DAAM1: variants seen among roughly 807,000 people sequenced by gnomAD.
The protein encoded by DAAM1 is disheveled-associated activator of morphogenesis 1.
Under a neutral mutation model 130.0 loss-of-function variants are expected in DAAM1, and 52 were observed. The observed-to-expected ratio is 0.40, with a 90% CI of 0.32 to 0.50. DAAM1 has a LOEUF of 0.50. Among genes scored for constraint, DAAM1 ranks in the 20% least tolerant of loss-of-function variants. The pLI is 0.61. For synonymous variants in DAAM1, 452 were observed against 444.5 expected, an observed-to-expected ratio of 1.02 and a Z score of -0.21; for missense variants, 1,134 against 1,303.8, an observed-to-expected ratio of 0.87 and a Z score of 2.01.
chr14:59,254,854 T>G (rs721610), intron 1 of DAAM1, among the ~76,000 whole-genome samples: 16,815 of 152,244 alleles, frequency 0.11, 1,532 homozygotes, highest in African/African-American at 0.26. Flanking sequence ...CTTTGCTGCT[T>G]ACATGCAGAG....
intron 2 of DAAM1, among the ~76,000 whole-genome samples, chr14:59,288,899 T>C (rs1883588438): frequency 6.7e-6 from 1 of 149,042 alleles, no homozygotes; most frequent in Non-Finnish European, 1.5e-5. Context: ...GTTGTTGTTT[T>C]TGTTTGTTTG....
intron 11 of DAAM1, 46 bp downstream of exon 11, chr14:59,326,694 T>G: frequency 6.3e-7 from 1 of 1,597,058 alleles, no homozygotes; most frequent in Non-Finnish European, 8.5e-7. Flanking sequence ...GGTGACAATG[T>G]AAGATATTTA....
At chr14:59,268,462 T>C (rs1273167148) in intron 2 of DAAM1, among the ~76,000 whole-genome samples, 1 of 152,206 alleles carries the variant, frequency 6.6e-6, no homozygotes, top group Admixed American at 6.5e-5. Context: ...CCACCAGCAA[T>C]GTATGAGGGT....
At chr14:59,254,456 G>A (rs760505592) in intron 1 of DAAM1, among the ~76,000 whole-genome samples, 42 of 152,114 alleles carry the variant, frequency 2.8e-4, no homozygotes, top group Admixed American at 2.6e-3. Flanking sequence ...GTCTTTGTAC[G>A]GTATCTGAGT....
rs182607589 is a variant in DAAM1 at position 59,261,600 on chromosome 14, C to G, written c.-37-1841C>G. Among the ~76,000 whole-genome samples, 338 of 152,338 alleles carry G rather than the reference C, an allele frequency of 2.2e-3. 1 individual carries two copies. The highest frequency in any genetic ancestry group is 7.6e-3 in the African/African-American group (317 of 41,576). On this transcript the variant is annotated intron_variant, in intron 1 of 24. Coordinates refer to ENST00000360909, the MANE Select transcript of DAAM1 (RefSeq NM_001270520.2). ...GACACCCTGCTTTTAACCTTTCCCT[C>G]TCTTCCCGTCACAGAACCTCCCAGT...
intron 2 of DAAM1, among the ~76,000 whole-genome samples, chr14:59,277,913 C>T (rs1333192261): frequency 6.6e-6 from 1 of 152,130 alleles, no homozygotes; most frequent in Non-Finnish European, 1.5e-5. Context: ...TATGGCCCAT[C>T]TAAAACCCTC....
intron 1 of DAAM1, among the ~76,000 whole-genome samples, chr14:59,190,755 A>G (rs145858438): frequency 1.3e-5 from 2 of 152,290 alleles, no homozygotes; most frequent in Non-Finnish European, 2.9e-5. Flanking sequence ...CCTAACGTTA[A>G]TTCTAGGCGC....
At chr14:59,320,210 T>C (rs1429116937) in intron 4 of DAAM1, among the ~76,000 whole-genome samples, 3 of 152,224 alleles carry the variant, frequency 2.0e-5, no homozygotes, top group Non-Finnish European at 4.4e-5. Context: ...TGTATTCAAC[T>C]ACAGGTTCAG....
chr14:59,323,681 GTTC>G (rs1038997776), intron 6 of DAAM1, among the ~76,000 whole-genome samples: 4 of 152,158 alleles, frequency 2.6e-5, no homozygotes, highest in African/African-American at 9.7e-5. Context: ...TTTTAGGACT[GTTC>G]TTAAGGAGAA....
chr14:59,363,260 C>G, intron 22 of DAAM1: 1 of 172,204 alleles, frequency 5.8e-6, no homozygotes, highest in Non-Finnish European at 1.2e-5. Flanking sequence ...CACCACAATT[C>G]TAAGCATGGA....
chr14:59,311,894 T>A (rs1213930416), intron 3 of DAAM1, among the ~76,000 whole-genome samples: 1 of 152,140 alleles, frequency 6.6e-6, no homozygotes, highest in Non-Finnish European at 1.5e-5. Context: ...AGATGGGGTC[T>A]TGCTATGTTG....
intron 23 of DAAM1, among the ~76,000 whole-genome samples, chr14:59,366,984 A>G (rs1220063263): frequency 2.0e-5 from 3 of 151,812 alleles, no homozygotes; most frequent in Non-Finnish European, 2.9e-5. Context: ...CCCATCTCTT[A>G]AAACAAAACA....
chr14:59,367,397 A>T, intron 23 of DAAM1, 32 bp from the exon 24 acceptor site: 4 of 1,569,042 alleles, frequency 2.5e-6, no homozygotes, highest in Non-Finnish European at 3.5e-6. Context: ...TTCTCATGAA[A>T]CATTGACTTC....
chr14:59,223,295 A>G (rs927543781), intron 1 of DAAM1, among the ~76,000 whole-genome samples: 3 of 152,224 alleles, frequency 2.0e-5, no homozygotes, highest in African/African-American at 4.8e-5. Context: ...TTGGTTGATC[A>G]TATAATACCC....
At chr14:59,206,140 C>T (rs1457894173) in intron 1 of DAAM1, among the ~76,000 whole-genome samples, 1 of 152,160 alleles carries the variant, frequency 6.6e-6, no homozygotes, top group Admixed American at 6.5e-5. Context: ...CCAGCATGAG[C>T]TACTGCACCT....
chr14:59,203,679 A>T (rs1351746186), intron 1 of DAAM1, among the ~76,000 whole-genome samples: 1 of 152,218 alleles, frequency 6.6e-6, no homozygotes, highest in Non-Finnish European at 1.5e-5. Context: ...TGTTTTTCTC[A>T]TACATCCTAA....
intron 1 of DAAM1, among the ~76,000 whole-genome samples, chr14:59,246,586 G>A (rs1176598160): frequency 6.6e-6 from 1 of 152,140 alleles, no homozygotes; most frequent in Non-Finnish European, 1.5e-5. Context: ...GGTTGCTGGA[G>A]CATGCAGAAT....
chr14:59,340,751 A>G (rs532195951), intron 16 of DAAM1, among the ~76,000 whole-genome samples: 1 of 152,352 alleles, frequency 6.6e-6, no homozygotes, highest in South Asian at 2.1e-4. Flanking sequence ...TGAAAAGAAG[A>G]AAGGAAATTT....
At chr14:59,209,474 TTGA>T (rs1384387233) in intron 1 of DAAM1, among the ~76,000 whole-genome samples, 1 of 152,254 alleles carries the variant, frequency 6.6e-6, no homozygotes, top group Non-Finnish European at 1.5e-5. Context: ...TTGCAGTTTT[TTGA>T]TATTACCACT....
Sources: allele counts gnomAD v4.1 joint callset (sites outside exome capture counted in the v4.1 genomes callset), GRCh38; gene constraint gnomAD v4.1.1; transcripts MANE v1.5; gene names NCBI Gene and HGNC (gene_info 2026-07-23, HGNC 2026-07-21).